Variants in SMAD9 observed in about 807,000 individuals in gnomAD.
SMAD9 encodes SMAD family member 9.
In SMAD9, 36 loss-of-function variants were observed where a neutral mutation model predicts 46.1. That is an observed-to-expected ratio of 0.78 (90% CI 0.60 to 1.03). SMAD9 has a LOEUF of 1.03. Among genes scored for constraint, SMAD9 ranks in the 50% least tolerant of loss-of-function variants. The probability of loss-of-function intolerance (pLI) is 0.00; values close to 1 mark genes in which losing one functional copy is unlikely to be tolerated. For synonymous variants in SMAD9, 245 were observed against 237.1 expected, an observed-to-expected ratio of 1.03 and a Z score of -0.31; for missense variants, 572 against 599.8, an observed-to-expected ratio of 0.95 and a Z score of 0.48.
Position 36,879,684 on chromosome 13 carries a change from G to C in SMAD9, c.6C>G (p.His2Gln). The change falls in exon 2 of 7, where the codon CAC becomes CAG. Residue 2 changes from histidine to glutamine, a missense_variant. Physicochemically the swap from His to Gln is conservative, Grantham distance 24 (BLOSUM62 0). Coordinates refer to ENST00000379826, the MANE Select transcript of SMAD9 (RefSeq NM_001127217.3). M[H>Q]STTPISSLFS... is the part of the protein sequence containing the mutation. ...AGAGGGAGCTGATGGGGGTGGTGGA[G>C]TGCATAAGAGGCCACAGCAGGCTCC... 6.2e-7 allele frequency: 1 copy of C among 1,614,088 alleles called. No homozygotes were observed.
chr13:36,904,288 G>T (rs1359394672), intron 1 of SMAD9, among the ~76,000 whole-genome samples: 1 of 152,194 alleles, frequency 6.6e-6, no homozygotes, highest in Non-Finnish European at 1.5e-5. Flanking sequence ...GTGGGAGTTA[G>T]ATATGCGACT....
intron 2 of SMAD9, among the ~76,000 whole-genome samples, chr13:36,878,745 G>A (rs1056657050): frequency 1.7e-4 from 26 of 152,102 alleles, no homozygotes; most frequent in African/African-American, 4.8e-4. Context: ...GGGGCGGGGG[G>A]AGGAGGATGT....
At chr13:36,873,155 T>C (rs914618065) in intron 2 of SMAD9, among the ~76,000 whole-genome samples, 1 of 152,138 alleles carries the variant, frequency 6.6e-6, no homozygotes. Flanking sequence ...ACCGGAATCT[T>C]AAGCAGAATG....
intron 1 of SMAD9, among the ~76,000 whole-genome samples, chr13:36,880,953 C>T (rs2058397913): frequency 1.3e-5 from 2 of 151,940 alleles, no homozygotes; most frequent in Non-Finnish European, 2.9e-5. Context: ...AGCAAGAGTT[C>T]TTTGGAGTTC....
intron 5 of SMAD9, among the ~76,000 whole-genome samples, chr13:36,865,002 A>G (rs17054636): frequency 0.021 from 3,271 of 152,284 alleles, 87 homozygotes; most frequent in South Asian, 0.12. Flanking sequence ...CAAAAGCATC[A>G]CTGGTCAGAA....
chr13:36,893,816 G>A (rs1158635354), intron 1 of SMAD9, among the ~76,000 whole-genome samples: 1 of 152,054 alleles, frequency 6.6e-6, no homozygotes, highest in Non-Finnish European at 1.5e-5. Context: ...CTGAGCAGAA[G>A]GCAGGGGAGT....
intron 4 of SMAD9, among the ~76,000 whole-genome samples, 173 bp from the exon 5 acceptor site, chr13:36,865,931 C>T (rs2058229884): frequency 6.6e-6 from 1 of 152,180 alleles, no homozygotes; most frequent in Admixed American, 6.5e-5. Context: ...CTGTTTGGGG[C>T]CGGCTCATTT....
At chr13:36,906,020 A>G (rs751258020) in intron 1 of SMAD9, among the ~76,000 whole-genome samples, 10 of 152,124 alleles carry the variant, frequency 6.6e-5, no homozygotes, top group Non-Finnish European at 1.3e-4. Flanking sequence ...AAATCAAACG[A>G]AAGTTTTAAA....
At chr13:36,884,374 T>G (rs186485057) in intron 1 of SMAD9, among the ~76,000 whole-genome samples, 1 of 152,194 alleles carries the variant, frequency 6.6e-6, no homozygotes, top group East Asian at 1.9e-4. Flanking sequence ...TTTCCTTCTT[T>G]GGGCAGAGAG....
rs1536654 is a variant in SMAD9, at chr13:36,866,009, T to C, written c.782-251A>G. On this transcript the variant is annotated intron_variant, in intron 4 of 6. Transcript: ENST00000379826. Reference sequence around the variant, plus strand: ...CTTCCATGGCTAGAGCATTTATAAATGTGTATTGGTCATGAAGGGGCCAGG... The same window carrying C: ...CTTCCATGGCTAGAGCATTTATAAACGTGTATTGGTCATGAAGGGGCCAGG... Among the ~76,000 whole-genome samples the C allele has an allele frequency of 0.64, 97,251 of 151,910 alleles. 33,699 individuals are homozygous for C. Among genetic ancestry groups the C allele is most frequent in the Non-Finnish European group, 0.78 (52,984 of 67,962 alleles).
At chr13:36,872,219 G>T (rs1189494003) in intron 3 of SMAD9, among the ~76,000 whole-genome samples, 1 of 151,860 alleles carries the variant, frequency 6.6e-6, no homozygotes, top group Non-Finnish European at 1.5e-5. Context: ...CTCACTCAAA[G>T]GATGCAGGCA....
At chr13:36,884,076 G>A (rs929821369) in intron 1 of SMAD9, among the ~76,000 whole-genome samples, 1 of 152,132 alleles carries the variant, frequency 6.6e-6, no homozygotes, top group Admixed American at 6.5e-5. Context: ...ACTTGTAGTA[G>A]TCTGAGCGCG....
chr13:36,905,063 G>C (rs2058607170), intron 1 of SMAD9, among the ~76,000 whole-genome samples: 2 of 152,168 alleles, frequency 1.3e-5, no homozygotes, highest in Non-Finnish European at 2.9e-5. Flanking sequence ...GCCCCCCACG[G>C]GACATCTGGC....
At chr13:36,907,139 G>A (rs895028226) in intron 1 of SMAD9, among the ~76,000 whole-genome samples, 2 of 152,064 alleles carry the variant, frequency 1.3e-5, no homozygotes, top group African/African-American at 4.8e-5. Context: ...AGACACAGAA[G>A]GACAAATGAT....
intron 1 of SMAD9, among the ~76,000 whole-genome samples, chr13:36,895,818 A>G (rs2058523319): frequency 6.6e-6 from 1 of 152,194 alleles, no homozygotes; most frequent in African/African-American, 2.4e-5. Context: ...AGACATTAGA[A>G]GGATTTGCAT....
chr13:36,882,505 G>A (rs2058412948), intron 1 of SMAD9, among the ~76,000 whole-genome samples: 1 of 152,100 alleles, frequency 6.6e-6, no homozygotes, highest in Non-Finnish European at 1.5e-5. Context: ...CGATCTCACT[G>A]ACACATTTCA....
rs1266417138 is a variant in SMAD9 at position 36,853,563 on chromosome 13, G to A, written c.1116C>T (p.Thr372=). The A allele has an allele frequency of 4.3e-6, 7 of 1,614,044 alleles. No individual in the cohort carries two copies. Among genetic ancestry groups the A allele is most frequent in the South Asian group, 2.2e-5 (2 of 91,082 alleles). Residue 372 remains threonine, a synonymous_variant, in exon 6 of 7, where the codon ACC becomes ACT. Transcript: ENST00000379826. ...TGCAGCCGCTGGGGATCTTGCAGAC[G>A]GTAGCTGGGTGGAAGCCGTGTTGAT... ...CNYQHGFHPA[T]VCKIPSGCSL...
rs569049777 is a variant in SMAD9 at position 36,891,902 on chromosome 13, T to C, written c.-186-12027A>G. Among the ~76,000 whole-genome samples the C allele has an allele frequency of 1.8e-4, 28 of 152,282 alleles. No individual in the cohort carries two copies. In the South Asian group the frequency reaches 2.5e-3, roughly 14 times the overall value. ...CACTTCTTTAGATTTGCAGTTTAGA[T>C]TCTTAAGGTTGGGAAAGAATTTCAG... is the stretch of plus-strand genomic sequence containing the variant. On this transcript the variant is annotated intron_variant, in intron 1 of 6. Coordinates refer to ENST00000379826, the MANE Select transcript of SMAD9 (RefSeq NM_001127217.3).
At position 36,865,681 on chromosome 13, in the gene SMAD9, C is replaced by A; in HGVS notation, c.859G>T (p.Glu287Ter). Residue 287 changes from glutamate to a stop codon, truncating the protein, a stop_gained, in exon 5 of 7, where the codon GAG becomes TAG. Transcript: ENST00000379826. LOFTEE classifies it high-confidence loss of function. ...CTTCGGGAGGAAGCCTGGAATGTCTCCCCAACTCGGTTGTTCAGTTCATAG... is the reference window on the plus strand; with the variant it reads ...CTTCGGGAGGAAGCCTGGAATGTCTACCCAACTCGGTTGTTCAGTTCATAG... ...AYYELNNRVG[E>*]TFQASSRSVL... The A allele has an allele frequency of 6.2e-7, 1 of 1,614,124 alleles. No homozygotes were observed. The highest frequency in any genetic ancestry group is 8.5e-7 in the Non-Finnish European group (1 of 1,180,018).
Sources: allele counts gnomAD v4.1 joint callset (sites outside exome capture counted in the v4.1 genomes callset), GRCh38; gene constraint gnomAD v4.1.1; transcripts MANE v1.5; gene names NCBI Gene and HGNC (gene_info 2026-07-23, HGNC 2026-07-21).